Variants in SYNPR observed in about 807,000 individuals in gnomAD.
SYNPR encodes the protein synaptoporin.
In SYNPR, 23 loss-of-function variants were observed where a neutral mutation model predicts 32.9. That is an observed-to-expected ratio of 0.70 (90% CI 0.50 to 0.99). SYNPR has a LOEUF of 0.99. SYNPR is among the 50% of genes least tolerant of loss of function. The pLI is 0.00. For synonymous variants in SYNPR, 146 were observed against 135.9 expected (o/e 1.07, Z -0.52); for missense variants, 318 against 349.3 (o/e 0.91, Z 0.71).
intron 4 of SYNPR, among the ~76,000 whole-genome samples, chr3:63,603,999 G>T (rs1700081762): frequency 6.6e-6 from 1 of 152,068 alleles, no homozygotes; most frequent in African/African-American, 2.4e-5. Flanking sequence ...TGATTGGCAG[G>T]CCTTTTATTA....
At chr3:63,352,093 CA>C (rs1323794832) in intron 2 of SYNPR, among the ~76,000 whole-genome samples, 1 of 151,928 alleles carries the variant, frequency 6.6e-6, no homozygotes, top group Non-Finnish European at 1.5e-5. Flanking sequence ...ACAGTAAGTC[CA>C]AAGGTCCTGG....
intron 2 of SYNPR, among the ~76,000 whole-genome samples, chr3:63,453,886 G>A (rs1393694776): frequency 6.6e-6 from 1 of 152,032 alleles, no homozygotes; most frequent in African/African-American, 2.4e-5. Context: ...ATTATTATTG[G>A]TTATTCAACA....
chr3:63,558,778 AAC>A (rs1235417886), intron 4 of SYNPR, among the ~76,000 whole-genome samples: 8 of 152,112 alleles, frequency 5.3e-5, no homozygotes, highest in East Asian at 1.9e-4. Context: ...CAAATAATTA[AAC>A]AGTTAATTTA....
chr3:63,220,363 T>C, the SYNPR span, among the ~76,000 whole-genome samples: 3 of 152,186 alleles, frequency 2.0e-5, no homozygotes, highest in African/African-American at 4.8e-5. Flanking sequence ...AATTCAGTTA[T>C]GAGATGGTTA....
At chr3:63,414,761 A>G (rs1005689874) in intron 2 of SYNPR, among the ~76,000 whole-genome samples, 1 of 152,236 alleles carries the variant, frequency 6.6e-6, no homozygotes, top group Non-Finnish European at 1.5e-5. Context: ...TTTCCAGCCT[A>G]TATAGATCCC....
chr3:63,415,946 C>T (rs1006274613), intron 2 of SYNPR, among the ~76,000 whole-genome samples: 2 of 152,144 alleles, frequency 1.3e-5, no homozygotes, highest in Non-Finnish European at 2.9e-5. Flanking sequence ...TTTAAAGTTG[C>T]CTGATTCACT....
upstream of SYNPR, chr3:63,278,195 C>G (rs892586114): frequency 7.8e-6 from 2 of 256,480 alleles, no homozygotes; most frequent in African/African-American, 4.5e-5. Context: ...CCTGCCTCGC[C>G]CACCTCCTCG....
chr3:63,300,324 T>A (rs58839653), intron 2 of SYNPR, among the ~76,000 whole-genome samples: 68,938 of 141,004 alleles, frequency 0.49, 15,839 homozygotes, highest in Middle Eastern at 0.55. Flanking sequence ...TCTAGAACAT[T>A]CTTTGCTTCT....
intron 2 of SYNPR, among the ~76,000 whole-genome samples, chr3:63,467,017 T>G (rs1215186485): frequency 3.3e-5 from 5 of 152,152 alleles, no homozygotes; most frequent in Non-Finnish European, 7.3e-5. Flanking sequence ...TTCATTTGTT[T>G]ATTTTTGTTT....
At chr3:63,604,787 T>C (rs1377412080) in intron 4 of SYNPR, among the ~76,000 whole-genome samples, 4 of 152,196 alleles carry the variant, frequency 2.6e-5, no homozygotes, top group African/African-American at 9.6e-5. Context: ...CTAATTAAAA[T>C]CTTGTTGCTG....
rs2106912852 is a variant in SYNPR, at chr3:63,615,633, G to A, written c.*152G>A. On this transcript the variant is annotated 3_prime_UTR_variant, in exon 6 of 6. Coordinates refer to ENST00000478300, the MANE Select transcript of SYNPR (RefSeq NM_001130003.2). ...TCTTCATTAAGGCAGCAAGTCCTGG[G>A]TTGTGAAAAATGATACTTAGAGATG... The A allele has an allele frequency of 9.2e-7, 1 of 1,087,040 alleles. No homozygotes were observed. Among genetic ancestry groups the A allele is most frequent in the Admixed American group, 3.1e-5 (1 of 32,218 alleles). The allele number at this position is 1,087,040 out of a possible 1,614,324, so 67.3% of individuals were successfully genotyped here.
At chr3:63,408,281 A>AAG (rs2088407003) in intron 2 of SYNPR, among the ~76,000 whole-genome samples, 29 of 35,386 alleles carry the variant, frequency 8.2e-4, no homozygotes, top group Non-Finnish European at 1.2e-3. Context: ...AAGAAAGAGG[A>AAG]AGGAAGGAAG....
intron 3 of SYNPR, among the ~76,000 whole-genome samples, chr3:63,485,405 A>T (rs1701128028): frequency 1.3e-5 from 2 of 152,152 alleles, no homozygotes; most frequent in African/African-American, 4.8e-5. Flanking sequence ...AACTTTATGT[A>T]TGCTACCATT....
chr3:63,584,737 A>C (rs1329708189), intron 4 of SYNPR, among the ~76,000 whole-genome samples: 1 of 152,108 alleles, frequency 6.6e-6, no homozygotes, highest in Non-Finnish European at 1.5e-5. Flanking sequence ...GAACTGGCAG[A>C]ATGAGACCTA....
intron 4 of SYNPR, among the ~76,000 whole-genome samples, chr3:63,571,471 G>A (rs148916815): frequency 8.5e-5 from 13 of 152,164 alleles, no homozygotes; most frequent in East Asian, 1.9e-4. Context: ...TTTTCTGGTT[G>A]AGGGAGGTTA....
At chr3:63,595,563 C>G (rs1369224971) in intron 4 of SYNPR, among the ~76,000 whole-genome samples, 2 of 150,464 alleles carry the variant, frequency 1.3e-5, no homozygotes, top group African/African-American at 4.9e-5. Flanking sequence ...CCTCCAGAAA[C>G]TGGGTTTGTG....
At chr3:63,444,260 A>G (rs893849815) in intron 2 of SYNPR, 1 of 152,206 alleles carries the variant, frequency 6.6e-6, no homozygotes, top group Non-Finnish European at 1.5e-5. Flanking sequence ...AATGATTTTT[A>G]AATGCATTAC....
intron 2 of SYNPR, among the ~76,000 whole-genome samples, chr3:63,409,298 T>C (rs2088430483): frequency 6.6e-6 from 1 of 152,122 alleles, no homozygotes. Context: ...TTTTGTTCTT[T>C]TTACATTTCT....
intron 2 of SYNPR, among the ~76,000 whole-genome samples, chr3:63,301,208 G>A (rs184852997): frequency 3.9e-5 from 6 of 152,090 alleles, no homozygotes; most frequent in Admixed American, 2.0e-4. Flanking sequence ...TAGTATTACC[G>A]TTATAAGTTG....
Sources: allele counts gnomAD v4.1 joint callset (sites outside exome capture counted in the v4.1 genomes callset), GRCh38; gene constraint gnomAD v4.1.1; transcripts MANE v1.5; gene names NCBI Gene and HGNC (gene_info 2026-07-23, HGNC 2026-07-21).